The following EFR3B variants were observed in gnomAD, a reference collection of about 807,000 sequenced individuals.
The protein encoded by EFR3B is protein EFR3 homolog B.
A neutral mutation model predicts 104.7 loss-of-function variants in EFR3B; 64 were observed. The observed-to-expected ratio is 0.61, with a 90% CI of 0.50 to 0.75. The LOEUF is 0.75. EFR3B is among the 30% of genes least tolerant of loss of function. EFR3B has a pLI of 0.00. For synonymous variants in EFR3B, 385 were observed against 417.9 expected (o/e 0.92, Z 0.96); for missense variants, 750 against 1,078.5 (o/e 0.70, Z 4.27).
At chr2:25,065,738 A>C (rs1668316726) in intron 1 of EFR3B, among the ~76,000 whole-genome samples, 1 of 151,888 alleles carries the variant, frequency 6.6e-6, no homozygotes, top group Admixed American at 6.6e-5. Context: ...CACCTCCCCT[A>C]AGCTGCCAGG....
intron 19 of EFR3B, among the ~76,000 whole-genome samples, chr2:25,148,792 G>A (rs1275772659): frequency 6.6e-6 from 1 of 150,862 alleles, no homozygotes; most frequent in African/African-American, 2.4e-5. Context: ...CGTAGTGGTG[G>A]GCGCCTGTAG....
At chr2:25,072,845 C>T (rs540196157) in intron 1 of EFR3B, among the ~76,000 whole-genome samples, 1 of 152,278 alleles carries the variant, frequency 6.6e-6, no homozygotes, top group African/African-American at 2.4e-5. Context: ...TACTCTCAGG[C>T]CTTTTCTGCT....
intron 1 of EFR3B, among the ~76,000 whole-genome samples, chr2:25,054,964 TTATC>T (rs1667978327): frequency 1.3e-5 from 2 of 152,246 alleles, no homozygotes; most frequent in South Asian, 2.1e-4. Flanking sequence ...GGTGACATCT[TTATC>T]TAAATCCTTA....
At chr2:25,117,300 G>A (rs1669889338) in intron 4 of EFR3B, among the ~76,000 whole-genome samples, 1 of 152,164 alleles carries the variant, frequency 6.6e-6, no homozygotes, top group African/African-American at 2.4e-5. Flanking sequence ...TCTGGGAGGG[G>A]TGGGGGACAG....
At chr2:25,080,128 G>T in intron 1 of EFR3B, 1 of 1,085,642 alleles carries the variant, frequency 9.2e-7, no homozygotes, top group Non-Finnish European at 1.4e-6. Flanking sequence ...TATACCCTGT[G>T]CAATAACATC....
intron 1 of EFR3B, among the ~76,000 whole-genome samples, chr2:25,066,632 G>T (rs1037462718): frequency 3.3e-5 from 5 of 152,206 alleles, no homozygotes; most frequent in African/African-American, 9.6e-5. Flanking sequence ...CAGCACGCTG[G>T]CTCTCTGACC....
chr2:25,096,923 T>C (rs960749217), intron 3 of EFR3B, among the ~76,000 whole-genome samples: 1 of 152,128 alleles, frequency 6.6e-6, no homozygotes, highest in Non-Finnish European at 1.5e-5. Context: ...TTTTATATAA[T>C]AAAATGAGGT....
At position 25,114,199 on chromosome 2, in the gene EFR3B, T is replaced by A. The variant is rs193237219; in HGVS notation, c.364-7474T>A. Reference sequence around the variant, plus strand: ...ATCACTGTCACCAAAATTTCCAGCTTGGCCCCCTCATGTCAACCCCTGGAA... The same window carrying A: ...ATCACTGTCACCAAAATTTCCAGCTAGGCCCCCTCATGTCAACCCCTGGAA... On this transcript the variant is annotated intron_variant, in intron 4 of 22. Transcript: ENST00000403714. This position sits in a 1 kb window ranked among gnomAD's most constrained non-coding sequence, Gnocchi z 4.0. Among the ~76,000 whole-genome samples the A allele has an allele frequency of 2.3e-3, 352 of 152,250 alleles. 1 individual carries two copies. The highest frequency in any genetic ancestry group is 4.6e-3 in the Non-Finnish European group (310 of 68,016).
At chr2:25,134,212 T>C (rs1670459660) in intron 12 of EFR3B, among the ~76,000 whole-genome samples, 1 of 149,626 alleles carries the variant, frequency 6.7e-6, no homozygotes, top group Non-Finnish European at 1.5e-5. Flanking sequence ...GGAGTTTCGC[T>C]CTTGTTGCTT....
At chr2:25,149,564 C>T in intron 19 of EFR3B, 130 bp from the exon 20 acceptor site, 1 of 893,446 alleles carries the variant, frequency 1.1e-6, no homozygotes, top group Non-Finnish European at 1.8e-6. Context: ...GTGGGGGTGT[C>T]CTGAGGGACT....
intron 1 of EFR3B, among the ~76,000 whole-genome samples, chr2:25,057,076 G>C (rs1437690621): frequency 6.6e-6 from 1 of 152,212 alleles, no homozygotes; most frequent in Non-Finnish European, 1.5e-5. Flanking sequence ...GGAGTTTTCA[G>C]AAGATCCCAG....
At chr2:25,048,991 G>A (rs980744196) in intron 1 of EFR3B, among the ~76,000 whole-genome samples, 2 of 151,804 alleles carry the variant, frequency 1.3e-5, no homozygotes, top group Non-Finnish European at 2.9e-5. Flanking sequence ...GTTTGTATCC[G>A]TTGTACTCCT....
chr2:25,093,843 A>G (rs971226557), intron 3 of EFR3B, among the ~76,000 whole-genome samples: 12 of 152,216 alleles, frequency 7.9e-5, no homozygotes, highest in African/African-American at 1.7e-4. Flanking sequence ...GTTAAGGGCA[A>G]TTTGTCCATT....
At chr2:25,082,034 C>T (rs994338349) in intron 1 of EFR3B, among the ~76,000 whole-genome samples, 3 of 152,188 alleles carry the variant, frequency 2.0e-5, no homozygotes, top group East Asian at 1.9e-4. Flanking sequence ...AACAGGGCTG[C>T]GACGCCTAGG....
rs1440270295 is a variant in EFR3B, at chr2:25,042,123, T to C, written c.-190T>C. The stretch of plus-strand genomic sequence containing the variant: ...GGAGGCGGCCGCTGCAGCCCGGCGC[T>C]GAATGGGCTGGCGGCGCCCGGCTCC... On this transcript the variant is annotated 5_prime_UTR_variant, in exon 1 of 23. Transcript: ENST00000403714. The surrounding 1 kb of genome is among the most constrained non-coding windows in gnomAD (Gnocchi z 5.4). 1.8e-5 allele frequency: 7 copies of C among 398,604 alleles called. No homozygotes were observed. The highest frequency in any genetic ancestry group is 2.8e-5 in the Non-Finnish European group (7 of 249,308). 24.7% of individuals were successfully genotyped at this position (398,604 alleles called of 1,614,324 possible). A position where few individuals can be genotyped will look rare whatever the true frequency, so the allele number is the denominator to read the frequency against.
At chr2:25,053,475 A>G (rs68134193) in intron 1 of EFR3B, among the ~76,000 whole-genome samples, 15,153 of 152,238 alleles carry the variant, frequency 0.1, 927 homozygotes, top group East Asian at 0.24. Flanking sequence ...GCTGGGCCAC[A>G]CACACACCTG....
chr2:25,153,971 A>G (rs1205331223), intron 22 of EFR3B, among the ~76,000 whole-genome samples: 8 of 152,066 alleles, frequency 5.3e-5, no homozygotes, highest in Admixed American at 6.5e-5. Flanking sequence ...GCCTGCCTCA[A>G]TGAAACCTGG....
In EFR3B at chr2:25,042,371, C is replaced by A; in HGVS notation, c.7+52C>A. ...GGGCCCGCGGGGGCGACTCCGCAAA[C>A]TTCCCCGGCGCGGACCATTGTCCCC... On this transcript the variant is annotated intron_variant, in intron 1 of 22. Transcript: ENST00000403714. The surrounding 1 kb of genome is among the most constrained non-coding windows in gnomAD (Gnocchi z 5.4). The A allele has an allele frequency of 8.1e-7, 1 of 1,238,644 alleles. No individual in the cohort carries two copies. The highest frequency in any genetic ancestry group is 1.0e-6 in the Non-Finnish European group (1 of 990,062). The allele number at this position is 1,238,644 out of a possible 1,614,324, so 76.7% of individuals were successfully genotyped here. A position where few individuals can be genotyped will look rare whatever the true frequency, so the allele number is the denominator to read the frequency against.
chr2:25,047,465 A>G (rs1667753398), intron 1 of EFR3B, among the ~76,000 whole-genome samples: 1 of 148,984 alleles, frequency 6.7e-6, no homozygotes, highest in African/African-American at 2.5e-5. Context: ...CCTTTTCTTA[A>G]CTCTCTTTTC....
Sources: gnomAD v4.1 joint callset for allele counts (sites outside exome capture counted in the v4.1 genomes callset) on GRCh38, gnomAD v4.1.1 for gene constraint, Gnocchi (gnomAD v3.1) non-coding constraint, MANE v1.5 for transcripts, NCBI Gene and HGNC (gene_info 2026-07-23, HGNC 2026-07-21) for gene names.